EBF1: variants seen among roughly 807,000 people sequenced by gnomAD.
The protein encoded by EBF1 is transcription factor COE1.
A neutral mutation model predicts 68.4 loss-of-function variants in EBF1; 10 were observed. The ratio of observed to expected loss-of-function variants is 0.15; its 90% CI spans 0.09 to 0.25. The LOEUF is 0.25. EBF1 is among the 10% of genes least tolerant of loss of function. The pLI is 1.00. For synonymous variants in EBF1, 298 were observed against 299.8 expected, an observed-to-expected ratio of 0.99 and a Z score of 0.06; for missense variants, 509 against 794.4, an observed-to-expected ratio of 0.64 and a Z score of 4.32.
rs7729952 is a variant in EBF1, at chr5:158,744,308, T to C, written c.1037-13151A>G. Among the ~76,000 whole-genome samples the C allele has an allele frequency of 4.0e-3, 595 of 150,552 alleles. 6 individuals are homozygous for C. Among genetic ancestry groups the C allele is most frequent in the African/African-American group, 0.013 (513 of 40,796 alleles). Reference sequence around the variant, plus strand: ...CAGGTAAGGAATGGTTAGAGAGAGATTGAGAGACAAAACAGGACAAATACA... The same window carrying C: ...CAGGTAAGGAATGGTTAGAGAGAGACTGAGAGACAAAACAGGACAAATACA... On this transcript the variant is annotated intron_variant, in intron 10 of 15. Transcript: ENST00000313708.
intron 6 of EBF1, among the ~76,000 whole-genome samples, chr5:159,021,195 G>T (rs1426032596): frequency 6.6e-6 from 1 of 152,120 alleles, no homozygotes; most frequent in Non-Finnish European, 1.5e-5. Context: ...ATTCCCTAAA[G>T]CAGTATCCTG....
At chr5:158,999,090 A>G (rs1762008194) in intron 6 of EBF1, among the ~76,000 whole-genome samples, 1 of 152,160 alleles carries the variant, frequency 6.6e-6, no homozygotes, top group Non-Finnish European at 1.5e-5. Context: ...TTGAAAGAAA[A>G]AAAAAAATCT....
At chr5:158,735,108 A>G (rs1764902036) in intron 10 of EBF1, among the ~76,000 whole-genome samples, 1 of 152,172 alleles carries the variant, frequency 6.6e-6, no homozygotes, top group Non-Finnish European at 1.5e-5. Context: ...GTAGGAATGA[A>G]CTGTTTAGTG....
chr5:158,699,944 C>T (rs980868329), intron 15 of EBF1, among the ~76,000 whole-genome samples: 1 of 152,208 alleles, frequency 6.6e-6, no homozygotes, highest in Non-Finnish European at 1.5e-5. Context: ...ATTTAGAGAA[C>T]ACAGAATCAG....
intron 10 of EBF1, among the ~76,000 whole-genome samples, chr5:158,750,578 T>C (rs188559944): frequency 2.5e-4 from 38 of 152,232 alleles, no homozygotes; most frequent in African/African-American, 9.1e-4. Context: ...TTAATATAGA[T>C]ACAAGAGCTT....
At chr5:158,962,969 C>T (rs953382638) in intron 6 of EBF1, among the ~76,000 whole-genome samples, 5 of 152,188 alleles carry the variant, frequency 3.3e-5, no homozygotes, top group Non-Finnish European at 5.9e-5. Context: ...AGACAGACCA[C>T]TATTTACCAA....
rs574437580 is a variant in EBF1 at position 158,962,070 on chromosome 5, G to C, written c.554+111326C>G. ...ACGCTGAAGGTTACCAATTGTCACA[G>C]ATTTGGACTGCTATCGATGGCAGCA... On this transcript the variant is annotated intron_variant, in intron 6 of 15. Transcript: ENST00000313708. 2.0e-5 allele frequency among the ~76,000 whole-genome samples: 3 copies of C among 152,270 alleles called. No homozygotes were observed. In the South Asian group the frequency reaches 6.2e-4, roughly 32 times the overall value.
At chr5:159,067,488 T>C (rs1777052891) in intron 6 of EBF1, among the ~76,000 whole-genome samples, 1 of 152,234 alleles carries the variant, frequency 6.6e-6, no homozygotes. Flanking sequence ...AATAGTATTA[T>C]ACCATGTAAA....
At chr5:158,713,342 GA>G (rs2127492270) in intron 12 of EBF1, among the ~76,000 whole-genome samples, 195 bp from the exon 13 acceptor site, 1 of 152,240 alleles carries the variant, frequency 6.6e-6, no homozygotes, top group South Asian at 2.1e-4. Flanking sequence ...CTGAGGCTCA[GA>G]AAGTCAAAAA....
intron 10 of EBF1, 75 bp from the exon 11 acceptor site, chr5:158,731,232 TGGAAATAACCAGGAAG>T: frequency 7.2e-7 from 1 of 1,382,886 alleles, no homozygotes; most frequent in Non-Finnish European, 1.0e-6. Flanking sequence ...ACTAATGGTG[TGGAAATAACCAGGAAG>T]TCCAAAGTTT....
chr5:158,717,191 T>C (rs1284580123), intron 11 of EBF1, among the ~76,000 whole-genome samples: 1 of 152,234 alleles, frequency 6.6e-6, no homozygotes, highest in Non-Finnish European at 1.5e-5. Flanking sequence ...TGTATGCCTT[T>C]TAAAATCAAA....
intron 8 of EBF1, among the ~76,000 whole-genome samples, chr5:158,805,723 T>C (rs556134623): frequency 2.0e-5 from 3 of 152,052 alleles, no homozygotes; most frequent in East Asian, 1.9e-4. Context: ...GGAGTTTACG[T>C]TGATGTTTGC....
chr5:159,071,573 C>T (rs574938939), intron 6 of EBF1, among the ~76,000 whole-genome samples: 4 of 152,088 alleles, frequency 2.6e-5, no homozygotes, highest in Non-Finnish European at 5.9e-5. Flanking sequence ...AAACAGGGGC[C>T]GGGCTAATTA....
chr5:158,864,542 G>A (rs1029697515), intron 6 of EBF1, among the ~76,000 whole-genome samples: 4 of 152,084 alleles, frequency 2.6e-5, no homozygotes, highest in African/African-American at 9.7e-5. Context: ...TGCTGGAGTG[G>A]AGAAGATAGG....
chr5:158,975,870 T>C (rs1390302549), intron 6 of EBF1, among the ~76,000 whole-genome samples: 1 of 152,204 alleles, frequency 6.6e-6, no homozygotes, highest in Non-Finnish European at 1.5e-5. Context: ...CTGGGTTTGA[T>C]TAGGACAGCA....
intron 8 of EBF1, among the ~76,000 whole-genome samples, chr5:158,814,347 T>TA (rs1203759919): frequency 6.6e-6 from 1 of 151,100 alleles, no homozygotes; most frequent in Non-Finnish European, 1.5e-5. Flanking sequence ...CCTGTCTCAT[T>TA]AAAAAAAAAG....
At position 159,087,646 on chromosome 5, in the gene EBF1, A is replaced by G. The variant is rs534891321; in HGVS notation, c.412-2907T>C. 1.6e-3 allele frequency among the ~76,000 whole-genome samples: 240 copies of G among 152,196 alleles called. 2 individuals are homozygous for G. The highest frequency in any genetic ancestry group is 2.7e-3 in the Non-Finnish European group (181 of 67,984). On this transcript the variant is annotated intron_variant, in intron 4 of 15. Transcript: ENST00000313708. ...GATATTCAATGGATGCAATGCTGCA[A>G]TACAAATACATTCATGGTTTTCCCA... is the stretch of plus-strand genomic sequence containing the variant.
chr5:158,766,667 G>A (rs1405909011), intron 10 of EBF1, among the ~76,000 whole-genome samples: 1 of 152,104 alleles, frequency 6.6e-6, no homozygotes, highest in Non-Finnish European at 1.5e-5. Context: ...GACAAGATAT[G>A]GCTGTCCAAT....
At chr5:158,901,501 A>G (rs537579012) in intron 6 of EBF1, among the ~76,000 whole-genome samples, 6 of 152,246 alleles carry the variant, frequency 3.9e-5, no homozygotes, top group African/African-American at 1.4e-4. Context: ...CCCTCATTCA[A>G]TCATTTTTTT....
Sources: allele counts gnomAD v4.1 joint callset (sites outside exome capture counted in the v4.1 genomes callset), GRCh38; gene constraint gnomAD v4.1.1; transcripts MANE v1.5; gene names NCBI Gene and HGNC (gene_info 2026-07-23, HGNC 2026-07-21).